MED12L: variants seen among roughly 807,000 people sequenced by gnomAD.
MED12L encodes mediator complex subunit 12L.
MED12L carries 60 observed loss-of-function variants against 281.3 expected under a neutral mutation model. That is an observed-to-expected ratio of 0.21 (90% CI 0.17 to 0.26). The LOEUF is 0.26. Among genes scored for constraint, MED12L ranks in the 10% least tolerant of loss-of-function variants. MED12L has a pLI of 1.00. For synonymous variants in MED12L, 974 were observed against 987.2 expected (o/e 0.99, Z 0.25); for missense variants, 2,146 against 2,680.9 (o/e 0.80, Z 4.41).
chr3:151,249,178 TA>T (rs1333298817), intron 16 of MED12L: 1 of 152,176 alleles, frequency 6.6e-6, no homozygotes, highest in African/African-American at 2.4e-5. Flanking sequence ...GACCAAATAG[TA>T]AATAGTATGA....
chr3:151,143,441 C>CA (rs1717326998), intron 5 of MED12L, among the ~76,000 whole-genome samples: 1 of 152,172 alleles, frequency 6.6e-6, no homozygotes, highest in Non-Finnish European at 1.5e-5. Context: ...TTTATTTTTG[C>CA]TCCTCAGATG....
chr3:151,345,216 G>C (rs1196856210), intron 16 of MED12L, among the ~76,000 whole-genome samples: 1 of 152,166 alleles, frequency 6.6e-6, no homozygotes, highest in Non-Finnish European at 1.5e-5. Context: ...ATAGCAGCAG[G>C]TGGACTAGGA....
intron 16 of MED12L, chr3:151,203,312 C>T (rs1725904707): frequency 6.6e-6 from 1 of 151,884 alleles, no homozygotes; most frequent in Non-Finnish European, 1.5e-5. Flanking sequence ...TGAAAGTCTC[C>T]TAAAGAAGTT....
chr3:151,280,340 ACT>A (rs987902583), intron 16 of MED12L, among the ~76,000 whole-genome samples: 3 of 151,914 alleles, frequency 2.0e-5, no homozygotes, highest in African/African-American at 7.3e-5. Flanking sequence ...TGTTCTAAAC[ACT>A]CTGTGTGTTT....
chr3:151,180,932 G>A (rs1328585071), intron 11 of MED12L, among the ~76,000 whole-genome samples: 2 of 151,974 alleles, frequency 1.3e-5, no homozygotes, highest in Non-Finnish European at 2.9e-5. Context: ...CCAAAGAATC[G>A]ACCAGTTTCT....
chr3:151,200,780 G>T (rs1725442067), intron 16 of MED12L: 1 of 152,178 alleles, frequency 6.6e-6, no homozygotes. Flanking sequence ...TAAGCAGTTG[G>T]TTTGTATCTG....
chr3:151,299,194 G>A lies in MED12L; in HGVS notation c.2251-50865G>A, dbSNP rs142627273. 4.6e-5 allele frequency among the ~76,000 whole-genome samples: 7 copies of A among 152,250 alleles called. No homozygotes were observed. The East Asian group carries it at 1.4e-3, about 29-fold the overall frequency. ...GCTACATCATTGTTCACTGGGACGT[G>A]ACACTTGGCACAAAATGTGAAAGTC... On this transcript the variant is annotated intron_variant, in intron 16 of 44. Transcript: ENST00000687756.
chr3:151,330,578 A>G (rs924751443), intron 16 of MED12L, among the ~76,000 whole-genome samples: 3 of 152,166 alleles, frequency 2.0e-5, no homozygotes, highest in Non-Finnish European at 4.4e-5. Flanking sequence ...GGTGAGTTTC[A>G]TTTCATGTTT....
At chr3:151,281,059 T>C (rs1424767440) in intron 16 of MED12L, among the ~76,000 whole-genome samples, 1 of 148,890 alleles carries the variant, frequency 6.7e-6, no homozygotes, top group Non-Finnish European at 1.5e-5. Flanking sequence ...TATTTTAGCC[T>C]GACAATATTT....
chr3:151,334,196 C>CATTTT (rs1750689705), intron 16 of MED12L, among the ~76,000 whole-genome samples: 2 of 118,230 alleles, frequency 1.7e-5, no homozygotes, highest in Non-Finnish European at 3.4e-5. Flanking sequence ...TTCTTTCTTT[C>CATTTT]TTTTTTTTTT....
chr3:151,193,774 G>T, intron 16 of MED12L, 108 bp downstream of exon 16: 1 of 1,044,872 alleles, frequency 9.6e-7, no homozygotes, highest in Non-Finnish European at 1.4e-6. Flanking sequence ...ATGATAGCAG[G>T]TGAGTTTTTT....
intron 5 of MED12L, among the ~76,000 whole-genome samples, chr3:151,134,022 A>G (rs1715772713): frequency 6.6e-6 from 1 of 152,204 alleles, no homozygotes; most frequent in Admixed American, 6.5e-5. Context: ...TGTTAACAGC[A>G]TTTCTTGAGC....
chr3:151,306,362 T>C (rs898218067), intron 16 of MED12L, among the ~76,000 whole-genome samples: 6 of 152,372 alleles, frequency 3.9e-5, no homozygotes, highest in African/African-American at 1.4e-4. Flanking sequence ...AGCTTTTCTC[T>C]GTGCCTGCCC....
At chr3:151,087,163 G>A in intron 2 of MED12L, 138 bp downstream of exon 2, 1 of 680,998 alleles carries the variant, frequency 1.5e-6, no homozygotes, top group Admixed American at 3.5e-5. Context: ...GGGCCAGGCT[G>A]GGGGTGCTGG....
rs1158083475 is a variant in MED12L at position 151,434,793 on chromosome 3, AGAAT to A, written c.*1992_*1995del. On this transcript the variant is annotated 3_prime_UTR_variant, in exon 45 of 45. Transcript: ENST00000687756. ...TGCAAACAACAGTAATACTGTTTTA[AGAAT>A]GAGTGTTATAATTGCATAGCATTTG... The A allele has an allele frequency of 6.6e-6, 1 of 152,254 alleles. No homozygotes were observed. The highest frequency in any genetic ancestry group is 1.5e-5 in the Non-Finnish European group (1 of 68,040). 9.4% of individuals were successfully genotyped at this position (152,254 alleles called of 1,614,324 possible).
chr3:151,270,043 T>G, intron 16 of MED12L: 1 of 227,604 alleles, frequency 4.4e-6, no homozygotes, highest in Non-Finnish European at 8.6e-6. Context: ...TGGGAAGATA[T>G]TGATAAAGAA....
intron 5 of MED12L, among the ~76,000 whole-genome samples, chr3:151,140,513 T>C (rs1396267798): frequency 6.6e-6 from 1 of 152,208 alleles, no homozygotes; most frequent in African/African-American, 2.4e-5. Context: ...ATGTGCCCGA[T>C]TGTTGCCCTG....
At chr3:151,378,372 A>G (rs1183691341) in intron 31 of MED12L, among the ~76,000 whole-genome samples, 199 bp downstream of exon 31, 1 of 152,154 alleles carries the variant, frequency 6.6e-6, no homozygotes, top group East Asian at 1.9e-4. Flanking sequence ...TTAGTTCTCA[A>G]TTCTGCCTTT....
intron 1 of MED12L, 153 bp from the exon 2 acceptor site, chr3:151,086,645 T>A: frequency 3.3e-6 from 1 of 301,852 alleles, no homozygotes; most frequent in Non-Finnish European, 6.1e-6. Flanking sequence ...CGGAGGACCC[T>A]GGCCGACCTC....
Sources: gnomAD v4.1 joint callset for allele counts (sites outside exome capture counted in the v4.1 genomes callset) on GRCh38, gnomAD v4.1.1 for gene constraint, MANE v1.5 for transcripts, NCBI Gene and HGNC (gene_info 2026-07-23, HGNC 2026-07-21) for gene names.